Variants in CDC14A observed in about 807,000 individuals in gnomAD.
CDC14A encodes the protein cell division cycle 14A.
CDC14A carries 53 observed loss-of-function variants against 74.4 expected under a neutral mutation model. That is an observed-to-expected ratio of 0.71 (90% CI 0.57 to 0.89). The LOEUF (loss-of-function observed/expected upper bound fraction) is 0.89, where lower values mean the gene tolerates loss of function less well. CDC14A is among the 40% of genes least tolerant of loss of function. The probability of loss-of-function intolerance (pLI) is 0.00; values close to 1 mark genes in which losing one functional copy is unlikely to be tolerated. For missense variants in CDC14A, 646 were observed against 713.7 expected, an observed-to-expected ratio of 0.91 and a Z score of 1.08; for synonymous variants, 247 against 258.4, an observed-to-expected ratio of 0.96 and a Z score of 0.43.
intron 5 of CDC14A, among the ~76,000 whole-genome samples, chr1:100,432,126 T>G (rs984353523): frequency 6.6e-6 from 1 of 152,196 alleles, no homozygotes; most frequent in Non-Finnish European, 1.5e-5. Context: ...TAGGTACAGG[T>G]CACGTTCAAC....
intron 15 of CDC14A, among the ~76,000 whole-genome samples, chr1:100,500,811 A>AGTGT (rs58424420): frequency 0.032 from 4,187 of 131,194 alleles, 136 homozygotes; most frequent in African/African-American, 0.084. Flanking sequence ...ATGAGAATGC[A>AGTGT]GTGTGTGTGT....
At chr1:100,370,203 G>C (rs982214899) in intron 2 of CDC14A, among the ~76,000 whole-genome samples, 3 of 151,858 alleles carry the variant, frequency 2.0e-5, no homozygotes, top group Non-Finnish European at 4.4e-5. Context: ...GGCCGGTCTT[G>C]AACTCCTGGG....
In CDC14A at chr1:100,452,865, T is replaced by G. The variant is rs1666284392; in HGVS notation, c.520-2540T>G. Among the ~76,000 whole-genome samples the G allele has an allele frequency of 2.6e-5, 4 of 152,296 alleles. No homozygotes were observed. The South Asian group carries it at 8.3e-4, about 32-fold the overall frequency. The stretch of plus-strand genomic sequence containing the variant: ...CCTTAAGTTCCTGTCTGATCTAGAT[T>G]TCTTTGAAGTGTATGTGTGTGTTTA... On this transcript the variant is annotated intron_variant, in intron 7 of 15. Coordinates refer to ENST00000336454, the MANE Select transcript of CDC14A (RefSeq NM_003672.4).
chr1:100,353,112 TGC>T, intron 1 of CDC14A, 109 bp downstream of exon 1: 2 of 1,235,920 alleles, frequency 1.6e-6, no homozygotes, highest in South Asian at 1.3e-5. Flanking sequence ...CTGCAGCCGC[TGC>T]GCGCGCTCTC....
intron 15 of CDC14A, among the ~76,000 whole-genome samples, chr1:100,500,502 A>T (rs1228518730): frequency 6.6e-6 from 1 of 152,108 alleles, no homozygotes; most frequent in African/African-American, 2.4e-5. Context: ...TCATGCCTAT[A>T]ATCCCAGGAC....
At chr1:100,385,404 G>A (rs1019322416) in intron 3 of CDC14A, among the ~76,000 whole-genome samples, 1 of 152,124 alleles carries the variant, frequency 6.6e-6, no homozygotes, top group African/African-American at 2.4e-5. Context: ...AGCCCTGCAG[G>A]TGATTCTGAA....
At chr1:100,397,535 A>G (rs1658680276) in intron 4 of CDC14A, among the ~76,000 whole-genome samples, 1 of 152,194 alleles carries the variant, frequency 6.6e-6, no homozygotes, top group South Asian at 2.1e-4. Flanking sequence ...TACCTGTGTT[A>G]CTATATTGTT....
chr1:100,498,836 T>G, intron 14 of CDC14A, 93 bp from the exon 15 acceptor site: 2 of 1,466,474 alleles, frequency 1.4e-6, no homozygotes, highest in African/African-American at 1.4e-5. Context: ...CATGTTCCCC[T>G]AATGTCATGA....
intron 11 of CDC14A, among the ~76,000 whole-genome samples, chr1:100,491,572 A>ATATATTTTTTTTT (rs1418515078): frequency 4.0e-5 from 1 of 25,098 alleles, no homozygotes; most frequent in African/African-American, 1.6e-4. Flanking sequence ...ATATATATAT[A>ATATATTTTTTTTT]TTTTTTTTTT....
chr1:100,468,068 A>G lies in CDC14A; in HGVS notation c.951A>G (p.Ile317Met). Reference sequence around the variant, plus strand: ...GAATATGCCGGCCAGGCTCTATTATAGGACCCCAGCAGCACTTCCTGGAAG... The same window carrying G: ...GAATATGCCGGCCAGGCTCTATTATGGGACCCCAGCAGCACTTCCTGGAAG... Reference protein sequence around the residue: ...WIRICRPGSIIGPQQHFLEEK... With the variant: ...WIRICRPGSIMGPQQHFLEEK... The change falls in exon 10 of 16, where the codon ATA (isoleucine) becomes ATG (methionine). Residue 317 changes from isoleucine (I) to methionine (M), a missense_variant. Physicochemically the swap from Ile to Met is conservative, Grantham distance 10 (BLOSUM62 1). Transcript: ENST00000336454. 1 of 1,613,756 alleles carries G rather than the reference A, an allele frequency of 6.2e-7. No individual in the cohort carries two copies. The highest frequency in any genetic ancestry group is 8.5e-7 in the Non-Finnish European group (1 of 1,179,868).
Position 100,352,741 on chromosome 1 carries a change from C to T in CDC14A, c.-214C>T. ...CAGCCAGGGGCGTGAGCGCCCCGCG[C>T]GGAGCGAGCTCGGGTTCCCCTCGGA... On this transcript the variant is annotated 5_prime_UTR_variant, in exon 1 of 16. Coordinates refer to ENST00000336454, the MANE Select transcript of CDC14A (RefSeq NM_003672.4). 5 of 1,395,140 alleles carry T rather than the reference C, an allele frequency of 3.6e-6. No individual in the cohort carries two copies. In the South Asian group the frequency reaches 7.9e-5, roughly 22 times the overall value. The allele number at this position is 1,395,140 out of a possible 1,614,324, so 86.4% of individuals were successfully genotyped here.
intron 4 of CDC14A, chr1:100,393,095 T>C: frequency 6.9e-7 from 1 of 1,443,958 alleles, no homozygotes; most frequent in Non-Finnish European, 9.7e-7. Flanking sequence ...ATTTGATAGA[T>C]TTCATTTTCT....
chr1:100,456,774 A>G (rs1367790583), intron 8 of CDC14A, among the ~76,000 whole-genome samples: 1 of 152,174 alleles, frequency 6.6e-6, no homozygotes, highest in Non-Finnish European at 1.5e-5. Context: ...TACCTGTGAC[A>G]TATTTAATAG....
intron 11 of CDC14A, among the ~76,000 whole-genome samples, chr1:100,487,586 A>AAAACG (rs1553195588): frequency 6.6e-6 from 1 of 151,990 alleles, no homozygotes; most frequent in African/African-American, 2.4e-5. Flanking sequence ...AAAACAAAAC[A>AAAACG]AAACAAAACA....
chr1:100,417,214 G>A (rs1299078127), intron 4 of CDC14A, among the ~76,000 whole-genome samples: 2 of 152,176 alleles, frequency 1.3e-5, no homozygotes, highest in Non-Finnish European at 2.9e-5. Context: ...AGGAAACGGA[G>A]GAGGTGGCAT....
At chr1:100,411,543 C>T (rs549153538) in intron 4 of CDC14A, among the ~76,000 whole-genome samples, 3 of 152,276 alleles carry the variant, frequency 2.0e-5, no homozygotes, top group Admixed American at 6.5e-5. Context: ...CTCTGACTTA[C>T]TGAAGCCCAA....
intron 10 of CDC14A, among the ~76,000 whole-genome samples, chr1:100,480,601 T>A (rs1331839413): frequency 2.6e-5 from 4 of 152,228 alleles, no homozygotes; most frequent in African/African-American, 4.8e-5. Context: ...GTGCCATTTT[T>A]CATTCCCACC....
At chr1:100,351,608 T>C (rs1651010465), upstream of CDC14A, 2 of 665,078 alleles carry the variant, frequency 3.0e-6, no homozygotes, top group South Asian at 1.9e-5. Flanking sequence ...CAGTGGACTC[T>C]CCTCTCTCTC....
At chr1:100,420,758 T>C (rs1662268975) in intron 4 of CDC14A, among the ~76,000 whole-genome samples, 1 of 152,164 alleles carries the variant, frequency 6.6e-6, no homozygotes, top group Non-Finnish European at 1.5e-5. Flanking sequence ...GATTAACTAA[T>C]GGGCAACATT....
Sources: gnomAD v4.1 joint callset for allele counts (sites outside exome capture counted in the v4.1 genomes callset) on GRCh38, gnomAD v4.1.1 for gene constraint, MANE v1.5 for transcripts, NCBI Gene and HGNC (gene_info 2026-07-23, HGNC 2026-07-21) for gene names.